Variants in ZUP1 observed in about 807,000 individuals in gnomAD.
ZUP1 encodes the protein zinc finger-containing ubiquitin peptidase 1.
In ZUP1, 55 loss-of-function variants were observed where a neutral mutation model predicts 68.1. That is an observed-to-expected ratio of 0.81 (90% CI 0.65 to 1.01). ZUP1 has a LOEUF of 1.01. Among genes scored for constraint, ZUP1 ranks in the 50% least tolerant of loss-of-function variants. The pLI is 0.00. For synonymous variants in ZUP1, 223 were observed against 221.5 expected, an observed-to-expected ratio of 1.01 and a Z score of -0.06; for missense variants, 684 against 674.9, an observed-to-expected ratio of 1.01 and a Z score of -0.15.
chr6:116,667,131 A>G lies in ZUP1; in HGVS notation c.62T>C (p.Leu21Pro), dbSNP rs1562414629. 1.2e-6 allele frequency: 2 copies of G among 1,612,878 alleles called. No homozygotes were observed. Among genetic ancestry groups the G allele is most frequent in the Non-Finnish European group, 8.5e-7 (1 of 1,179,410 alleles). The change falls in exon 2 of 10, where the codon CTA becomes CCA. Residue 21 changes from leucine (L) to proline (P), a missense_variant. Physicochemically the swap from Leu to Pro is moderately conservative, Grantham distance 98. Transcript: ENST00000368576. ...VTSEPDMKAH[L>P]IVHMESEIIC... ...AATTTCACTTTCCATGTGAACAATT[A>G]GGTGAGCTTTCATGTCTGGTTCTGA...
chr6:116,656,635 AGT>A, intron 5 of ZUP1, 47 bp downstream of exon 5: 1 of 1,383,136 alleles, frequency 7.2e-7, no homozygotes, highest in Non-Finnish European at 9.8e-7. Flanking sequence ...TTATTACTTC[AGT>A]GGTATAAGCA....
At chr6:116,657,897 T>C (rs1776717683) in intron 4 of ZUP1, among the ~76,000 whole-genome samples, 1 of 152,008 alleles carries the variant, frequency 6.6e-6, no homozygotes, top group Admixed American at 6.6e-5. Context: ...TCAAGACCAG[T>C]TTGGCCAACA....
At chr6:116,647,120 T>A (rs1050710375) in intron 8 of ZUP1, among the ~76,000 whole-genome samples, 1 of 152,080 alleles carries the variant, frequency 6.6e-6, no homozygotes, top group African/African-American at 2.4e-5. Flanking sequence ...CTCTGAAAAA[T>A]TAAACAGATT....
intron 7 of ZUP1, among the ~76,000 whole-genome samples, chr6:116,648,566 T>G (rs754691505): frequency 6.6e-6 from 1 of 152,104 alleles, no homozygotes; most frequent in African/African-American, 2.4e-5. Flanking sequence ...ATATAACTCA[T>G]AGAGAGAGCA....
intron 4 of ZUP1, among the ~76,000 whole-genome samples, chr6:116,657,745 C>G (rs746681271): frequency 1.8e-4 from 28 of 152,098 alleles, no homozygotes; most frequent in Non-Finnish European, 2.9e-4. Flanking sequence ...AACTGTAAAC[C>G]CTTTTTATGT....
At chr6:116,650,834 G>A (rs1160907922) in intron 7 of ZUP1, among the ~76,000 whole-genome samples, 2 of 152,016 alleles carry the variant, frequency 1.3e-5, no homozygotes, top group Non-Finnish European at 2.9e-5. Flanking sequence ...TCATAATATC[G>A]TGAAATTATG....
At chr6:116,642,035 C>A (rs1452205718) in intron 9 of ZUP1, among the ~76,000 whole-genome samples, 1 of 152,090 alleles carries the variant, frequency 6.6e-6, no homozygotes, top group Non-Finnish European at 1.5e-5. Flanking sequence ...ATACAAACTA[C>A]CATCAGAGAA....
intron 2 of ZUP1, among the ~76,000 whole-genome samples, chr6:116,662,461 T>C (rs1295770046): frequency 6.6e-6 from 1 of 152,248 alleles, no homozygotes; most frequent in East Asian, 1.9e-4. Context: ...CTAGGGCTGA[T>C]GTAACCACCA....
chr6:116,643,486 A>G (rs1776188628), intron 9 of ZUP1, among the ~76,000 whole-genome samples: 1 of 152,232 alleles, frequency 6.6e-6, no homozygotes, highest in South Asian at 2.1e-4. Flanking sequence ...ATACCAAAAC[A>G]GAGATATAGA....
chr6:116,653,782 TAGAA>T (rs1776584621), intron 5 of ZUP1, among the ~76,000 whole-genome samples: 1 of 151,746 alleles, frequency 6.6e-6, no homozygotes. Context: ...ACAGAAAAAA[TAGAA>T]AGGAAAGTAA....
rs1188114302 is a variant in ZUP1 at position 116,660,950 on chromosome 6, C to T, written c.560-104G>A. 47 of 624,044 alleles carry T rather than the reference C, an allele frequency of 7.5e-5. 1 individual carries two copies. The South Asian group carries it at 9.7e-4, about 13-fold the overall frequency. 38.7% of individuals were successfully genotyped at this position (624,044 alleles called of 1,614,324 possible). The stretch of plus-strand genomic sequence containing the variant: ...GGTCTCACTCTGTTGCCCAGGCTGG[C>T]GTGCAGTGGCACCATCACGGCTCAC... On this transcript the variant is annotated intron_variant, in intron 2 of 9. Coordinates refer to ENST00000368576, the MANE Select transcript of ZUP1 (RefSeq NM_145062.3).
In ZUP1 at chr6:116,647,543, TC is replaced by T. The variant is rs1776350478; in HGVS notation, c.1383del (p.Trp461Ter). 6.2e-7 allele frequency: 1 copy of T among 1,602,346 alleles called. No homozygotes were observed. The highest frequency in any genetic ancestry group is 8.5e-7 in the Non-Finnish European group (1 of 1,171,932). On this transcript the variant is annotated frameshift_variant, in exon 8 of 10. Coordinates refer to ENST00000368576, the MANE Select transcript of ZUP1 (RefSeq NM_145062.3). LOFTEE classifies it high-confidence loss of function. ...CCCTCTGAAGAATAATAGTTCAATA[TC>T]CATTCAAATAAGCGAGGGTGTGTAC... ...PLGTHPRLFE[W>X]ILNYYSSEGE...
chr6:116,639,778 T>C (rs1219073749), intron 9 of ZUP1, among the ~76,000 whole-genome samples: 2 of 151,872 alleles, frequency 1.3e-5, no homozygotes, highest in Non-Finnish European at 2.9e-5. Flanking sequence ...AAAAGCAGAG[T>C]GCCTCTCCTC....
At chr6:116,663,634 G>C (rs938568607) in intron 2 of ZUP1, among the ~76,000 whole-genome samples, 1 of 152,228 alleles carries the variant, frequency 6.6e-6, no homozygotes, top group East Asian at 1.9e-4. Context: ...GGGAATTAAT[G>C]TAGAATTATT....
chr6:116,666,593 AG>A, intron 2 of ZUP1, 40 bp downstream of exon 2: 1 of 1,469,084 alleles, frequency 6.8e-7, no homozygotes, highest in Non-Finnish European at 9.0e-7. Flanking sequence ...TATTAAATTG[AG>A]GCTGTAAACT....
At chr6:116,668,006 A>G (rs1190994625) in intron 1 of ZUP1, among the ~76,000 whole-genome samples, 1 of 135,876 alleles carries the variant, frequency 7.4e-6, no homozygotes, top group Admixed American at 7.8e-5. Flanking sequence ...CTACTGACAT[A>G]AAAGTGTTAA....
chr6:116,644,566 A>C (rs1354087634), intron 9 of ZUP1, among the ~76,000 whole-genome samples: 4 of 152,026 alleles, frequency 2.6e-5, no homozygotes, highest in South Asian at 2.1e-4. Flanking sequence ...GGAAATCATC[A>C]TTCTCAGTAA....
rs1775892133 is a variant in ZUP1 at position 116,635,685 on chromosome 6, C to T, written c.*147G>A. 7.6e-6 allele frequency: 4 copies of T among 526,076 alleles called. No homozygotes were observed. Among genetic ancestry groups the T allele is most frequent in the Admixed American group, 8.1e-5 (2 of 24,640 alleles). 32.6% of individuals were successfully genotyped at this position (526,076 alleles called of 1,614,324 possible). On this transcript the variant is annotated 3_prime_UTR_variant, in exon 10 of 10. Coordinates refer to ENST00000368576, the MANE Select transcript of ZUP1 (RefSeq NM_145062.3). The stretch of plus-strand genomic sequence containing the variant: ...ACAATGAAGTATGATAGGTATAATT[C>T]AATTAACACAGGCATTTTAGAAATT...
chr6:116,657,966 A>G (rs769585224), intron 4 of ZUP1, among the ~76,000 whole-genome samples: 1 of 152,060 alleles, frequency 6.6e-6, no homozygotes, highest in Non-Finnish European at 1.5e-5. Flanking sequence ...GGTGGTGCAC[A>G]CCTGTAATCC....
Sources: gnomAD v4.1 joint callset for allele counts (sites outside exome capture counted in the v4.1 genomes callset) on GRCh38, gnomAD v4.1.1 for gene constraint, MANE v1.5 for transcripts, NCBI Gene and HGNC (gene_info 2026-07-23, HGNC 2026-07-21) for gene names.